The following BCAR3 variants were observed in gnomAD, a reference collection of about 807,000 sequenced individuals.
BCAR3 encodes the protein breast cancer anti-estrogen resistance protein 3.
Under a neutral mutation model 80.1 loss-of-function variants are expected in BCAR3, and 37 were observed. The ratio of observed to expected loss-of-function variants is 0.46; its 90% CI spans 0.36 to 0.61. BCAR3 has a LOEUF of 0.61. Among genes scored for constraint, BCAR3 ranks in the 20% least tolerant of loss-of-function variants. BCAR3 has a pLI of 0.00. For synonymous variants in BCAR3, 389 were observed against 418.9 expected (o/e 0.93, Z 0.87); for missense variants, 978 against 1,068.2 (o/e 0.92, Z 1.18).
At chr1:93,723,332 A>T (rs1650471178) in intron 2 of BCAR3, 1 of 152,268 alleles carries the variant, frequency 6.6e-6, no homozygotes, top group African/African-American at 2.4e-5. Context: ...TCCTTTAGGG[A>T]AAGGCCATCT....
chr1:93,843,588 T>C (rs114883793), intron 2 of BCAR3, among the ~76,000 whole-genome samples: 110 of 151,968 alleles, frequency 7.2e-4, no homozygotes, highest in African/African-American at 2.4e-3. Flanking sequence ...CCACAGTTTT[T>C]GTTTGTTTGT....
At chr1:93,844,713 T>G (rs560352954) in intron 2 of BCAR3, among the ~76,000 whole-genome samples, 17 of 151,820 alleles carry the variant, frequency 1.1e-4, no homozygotes, top group African/African-American at 4.1e-4. Flanking sequence ...CTTTTTTTTT[T>G]TTTTTTTCTT....
intron 3 of BCAR3, among the ~76,000 whole-genome samples, chr1:93,698,657 A>T (rs1451741672): frequency 6.6e-6 from 1 of 152,114 alleles, no homozygotes; most frequent in Non-Finnish European, 1.5e-5. Context: ...GGGGTGGAGG[A>T]TACTTGATAA....
intron 2 of BCAR3, among the ~76,000 whole-genome samples, chr1:93,824,769 G>A (rs750097148): frequency 7.5e-6 from 1 of 133,870 alleles, no homozygotes; most frequent in African/African-American, 2.5e-5. Context: ...CGCTCTGCAA[G>A]CCCAAAGCTG....
At chr1:93,776,007 C>T (rs756611866) in intron 2 of BCAR3, among the ~76,000 whole-genome samples, 4 of 152,128 alleles carry the variant, frequency 2.6e-5, no homozygotes, top group Non-Finnish European at 5.9e-5. Context: ...AAAGTATTCT[C>T]GTCAGCTAGC....
intron 2 of BCAR3, among the ~76,000 whole-genome samples, chr1:93,665,662 T>C (rs1307967373): frequency 6.6e-6 from 1 of 152,170 alleles, no homozygotes; most frequent in Non-Finnish European, 1.5e-5. Flanking sequence ...GGCCAGACCT[T>C]TTTTGCAGAG....
chr1:93,787,904 G>C (rs1054363672), intron 2 of BCAR3, among the ~76,000 whole-genome samples: 1 of 152,214 alleles, frequency 6.6e-6, no homozygotes, highest in Non-Finnish European at 1.5e-5. Flanking sequence ...AGTGCTGTCA[G>C]TGGAGTATTG....
rs748394785 is a variant in BCAR3 at position 93,567,455 on chromosome 1, G to A, written c.2123C>T (p.Pro708Leu). Residue 708 changes from proline to leucine, a missense_variant, in exon 11 of 12, where the codon CCA becomes CTA. Physicochemically the swap from Pro to Leu is moderately conservative, Grantham distance 98. Coordinates refer to ENST00000260502, the MANE Select transcript of BCAR3 (RefSeq NM_003567.4). ...TCVPPNNVSV[P>L]LLMPLVTLME... ...TAACGTCACAAGCGGCATCAGCAGT[G>A]GGACTGATACATTGTTTGGGGGAAC... is the stretch of plus-strand genomic sequence containing the variant. The A allele has an allele frequency of 2.5e-6, 4 of 1,614,200 alleles. No homozygotes were observed. The highest frequency in any genetic ancestry group is 2.2e-5 in the South Asian group (2 of 91,086).
chr1:93,683,112 G>T (rs1648859598), upstream of BCAR3, among the ~76,000 whole-genome samples: 1 of 152,132 alleles, frequency 6.6e-6, no homozygotes, highest in Admixed American at 6.5e-5. Context: ...TTTGTTTACA[G>T]ATATATAAAG....
chr1:93,844,005 T>C (rs1655054844), intron 2 of BCAR3, among the ~76,000 whole-genome samples: 1 of 152,158 alleles, frequency 6.6e-6, no homozygotes, highest in African/African-American at 2.4e-5. Context: ...CCGAAATCAC[T>C]AACCACACAG....
upstream of BCAR3, chr1:93,847,671 C>A (rs1173125530): frequency 6.6e-6 from 1 of 152,564 alleles, no homozygotes; most frequent in Non-Finnish European, 1.5e-5. Context: ...CGCTTTTTTC[C>A]CTCCCCCCTA....
At chr1:93,632,586 G>A (rs1438663249) in intron 3 of BCAR3, among the ~76,000 whole-genome samples, 1 of 152,098 alleles carries the variant, frequency 6.6e-6, no homozygotes, top group Non-Finnish European at 1.5e-5. Flanking sequence ...GGTTTATTGG[G>A]ATGTAGCCCC....
At position 93,592,626 on chromosome 1, in the gene BCAR3, G is replaced by T. The variant is rs529321688; in HGVS notation, c.358-233C>A. ...CTATGGTAGGAGAGTCCACCAAGAG[G>T]TTCCTTTTACCAGTCTACTCAAGCA... On this transcript the variant is annotated intron_variant, in intron 3 of 11. Transcript: ENST00000260502. The surrounding 1 kb of genome is among the most constrained non-coding windows in gnomAD (Gnocchi z 4.8). 6.6e-6 allele frequency: 3 copies of T among 451,268 alleles called. No homozygotes were observed. Among genetic ancestry groups the T allele is most frequent in the African/African-American group, 6.1e-5 (3 of 48,862 alleles). 28.0% of individuals were successfully genotyped at this position (451,268 alleles called of 1,614,324 possible). A position where few individuals can be genotyped will look rare whatever the true frequency, so the allele number is the denominator to read the frequency against.
chr1:93,624,116 C>T (rs1162751830), intron 3 of BCAR3, among the ~76,000 whole-genome samples: 3 of 152,192 alleles, frequency 2.0e-5, no homozygotes, highest in East Asian at 3.8e-4. Flanking sequence ...TCTGCTCCCA[C>T]ACCCAGCACC....
At chr1:93,646,602 CAAAA>C (rs34089294) in intron 2 of BCAR3, 3 of 69,288 alleles carry the variant, frequency 4.3e-5, no homozygotes, top group Admixed American at 1.8e-4. Context: ...AACTCCGTCT[CAAAA>C]AAAAAAAAAA....
intron 3 of BCAR3, among the ~76,000 whole-genome samples, chr1:93,633,003 G>A (rs1675675450): frequency 6.6e-6 from 1 of 151,914 alleles, no homozygotes; most frequent in African/African-American, 2.4e-5. Flanking sequence ...TGGGCAACAA[G>A]AGCGAAACTC....
At chr1:93,676,004 T>C (rs1007978069) in intron 1 of BCAR3, among the ~76,000 whole-genome samples, 1 of 141,662 alleles carries the variant, frequency 7.1e-6, no homozygotes, top group Non-Finnish European at 1.5e-5. Context: ...AGTCATGATA[T>C]CAGACTCTGG....
chr1:93,589,069 G>A lies in BCAR3; in HGVS notation c.837C>T (p.Thr279=). 6.2e-7 allele frequency: 1 copy of A among 1,612,374 alleles called. No homozygotes were observed. The highest frequency in any genetic ancestry group is 1.3e-5 in the African/African-American group (1 of 75,028). The change falls in exon 5 of 12, where the codon ACC becomes ACT. Residue 279 remains threonine, a synonymous_variant. Coordinates refer to ENST00000260502, the MANE Select transcript of BCAR3 (RefSeq NM_003567.4). ...SPGQAREGSL[T]KGRPDVAKRL... is the part of the protein sequence containing the mutation. ...TCTTGGCCACATCCGGCCTTCCCTT[G>A]GTGAGGCTGCCCTCCCGGGCCTGGC...
At position 93,563,635 on chromosome 1, in the gene BCAR3, C is replaced by G. The variant is rs59592262; in HGVS notation, c.2300-1216G>C. 7.4e-3 allele frequency among the ~76,000 whole-genome samples: 1,121 copies of G among 152,278 alleles called. 13 individuals are homozygous for G. Among genetic ancestry groups the G allele is most frequent in the African/African-American group, 0.025 (1,054 of 41,568 alleles). On this transcript the variant is annotated intron_variant, in intron 11 of 11. Coordinates refer to ENST00000260502, the MANE Select transcript of BCAR3 (RefSeq NM_003567.4). ...TGGCTGTATCATTTTATATTCACAG[C>G]AGTAACATATGAAGACTCCAGTTTT...
Sources: allele counts gnomAD v4.1 joint callset (sites outside exome capture counted in the v4.1 genomes callset), GRCh38; gene constraint gnomAD v4.1.1; non-coding constraint Gnocchi (gnomAD v3.1); transcripts MANE v1.5; gene names NCBI Gene and HGNC (gene_info 2026-07-23, HGNC 2026-07-21).